GOLGA8G: variants seen among roughly 807,000 people sequenced by gnomAD.
GOLGA8G encodes the protein golgin A8 family member G, also known as golgin subfamily A member 8G.
A neutral mutation model predicts 12.8 loss-of-function variants in GOLGA8G; 1 was observed. The observed-to-expected ratio is 0.08, with a 90% CI of 0.03 to 0.37. The LOEUF (loss-of-function observed/expected upper bound fraction) is 0.37, where lower values mean the gene tolerates loss of function less well. GOLGA8G is among the 10% of genes least tolerant of loss of function. The pLI is 0.99. For missense variants in GOLGA8G, 12 were observed against 97.4 expected (o/e 0.12, Z 3.69); for synonymous variants, 9 against 36.7 (o/e 0.25, Z 2.73).
rs1299572819 is a variant in GOLGA8G, at chr15:28,521,594, A to T, written c.*979T>A. On this transcript the variant is annotated 3_prime_UTR_variant, in exon 19 of 19. Transcript: ENST00000525590. ...GATCTTTACTAAATACATTAAGAAG[A>T]ATGCCAACCAGTGCCCTTTTGTGTA... is the stretch of plus-strand genomic sequence containing the variant. 6.7e-6 allele frequency: 1 copy of T among 149,988 alleles called. No individual in the cohort carries two copies. The highest frequency in any genetic ancestry group is 2.5e-5 in the African/African-American group (1 of 39,906). 9.3% of individuals were successfully genotyped at this position (149,988 alleles called of 1,614,324 possible).
At chr15:28,524,301 GC>G in intron 14 of GOLGA8G, 170 bp downstream of exon 14, 1 of 65,976 alleles carries the variant, frequency 1.5e-5, no homozygotes, top group Non-Finnish European at 2.9e-5. Flanking sequence ...CAACTTGGTG[GC>G]CCCCCGCTCA....
At chr15:28,527,810 G>A (rs2078616161) in intron 8 of GOLGA8G, among the ~76,000 whole-genome samples, 1 of 139,146 alleles carries the variant, frequency 7.2e-6, no homozygotes, top group Admixed American at 6.7e-5. Flanking sequence ...CAACTACCAT[G>A]GGAGACAGTT....
Position 28,519,707 on chromosome 15 carries a change from TTTACATTCCGC to T in GOLGA8G, c.*2855_*2865del, listed in dbSNP as rs1206721352. On this transcript the variant is annotated 3_prime_UTR_variant, in exon 19 of 19. Coordinates refer to ENST00000525590, the MANE Select transcript of GOLGA8G (RefSeq NM_001350919.3). ...GGCAAAAGTCTTTCAGTATTTCCGT[TTTACATTCCGC>T]TTACAAGAATTCATAAATTGGTAAA... 2 of 73,486 alleles carry T rather than the reference TTTACATTCCGC, an allele frequency of 2.7e-5. No homozygotes were observed. The highest frequency in any genetic ancestry group is 5.0e-5 in the Non-Finnish European group (2 of 40,244). The allele number at this position is 73,486 out of a possible 1,614,324, so 4.6% of individuals were successfully genotyped here.
Position 28,524,231 on chromosome 15 carries a change from T to A in GOLGA8G, c.1316-197A>T. The A allele has an allele frequency of 2.5e-5, 3 of 117,748 alleles. 1 individual carries two copies. Among genetic ancestry groups the A allele is most frequent in the South Asian group, 1.5e-4 (3 of 19,600 alleles). 7.3% of individuals were successfully genotyped at this position (117,748 alleles called of 1,614,324 possible). A position where few individuals can be genotyped will look rare whatever the true frequency, so the allele number is the denominator to read the frequency against. ...TGCCCAGGCACATTCCCACTACTGG[T>A]CGGTGCGGGAGTTCTGACCTGCTCC... On this transcript the variant is annotated intron_variant, in intron 14 of 18. Transcript: ENST00000525590.
chr15:28,527,462 A>ACGTG lies in GOLGA8G; in HGVS notation c.650_653dup (p.Met219ThrfsTer28). 1 of 737,066 alleles carries ACGTG rather than the reference A, an allele frequency of 1.4e-6. No individual in the cohort carries two copies. The highest frequency in any genetic ancestry group is 2.4e-6 in the Non-Finnish European group (1 of 415,408). The allele number at this position is 737,066 out of a possible 1,614,324, so 45.7% of individuals were successfully genotyped here. The stretch of plus-strand genomic sequence containing the variant: ...TGGACTGCTCTAACTTCCACTCCAT[A>ACGTG]CGTGCTTTACTGCGGCTGGAGAACT... On this transcript the variant is annotated frameshift_variant, in exon 9 of 19. Coordinates refer to ENST00000525590, the MANE Select transcript of GOLGA8G (RefSeq NM_001350919.3). LOFTEE classifies it high-confidence loss of function.
chr15:28,532,760 C>A, intron 1 of GOLGA8G, 66 bp downstream of exon 1: 1 of 334,652 alleles, frequency 3.0e-6, no homozygotes. Flanking sequence ...TGGACTCTGG[C>A]AGCAGTCTTG....
chr15:28,526,494 C>G lies in GOLGA8G; in HGVS notation c.931G>C (p.Glu311Gln). 2.0e-6 allele frequency: 1 copy of G among 496,624 alleles called. No individual in the cohort carries two copies. Among genetic ancestry groups the G allele is most frequent in the Non-Finnish European group, 3.1e-6 (1 of 327,502 alleles). The allele number at this position is 496,624 out of a possible 1,614,324, so 30.8% of individuals were successfully genotyped here. The change falls in exon 12 of 19, where the codon GAG becomes CAG. Residue 311 changes from glutamate to glutamine, a missense_variant. Glu to Gln is a conservative substitution (Grantham distance 29, BLOSUM62 2). Around this residue, in one of 2 missense-constraint regions of GOLGA8G, gnomAD observed 12 missense variants for 47.1 expected, o/e 0.25. Transcript: ENST00000525590. ...ACCTCAGAGGGCACTGCTGGGGGCT[C>G]CGGGGGCAGAGGTTCAGCTGAGAAA... Reference protein sequence around the residue: ...KHQMAEPLPPEPPAVPSEVEL... With the variant: ...KHQMAEPLPPQPPAVPSEVEL...
rs1472329722 is a variant in GOLGA8G, at chr15:28,524,042, TG to T, written c.1316-9del. ...GATGTCCTCCTCCATCTCCTGGGGG[TG>T]GGGGTGGTGGCCAGAGGGGTCCTCA... is the stretch of plus-strand genomic sequence containing the variant. On this transcript the variant is annotated splice_polypyrimidine_tract_variant and intron_variant, in intron 14 of 18. Transcript: ENST00000525590. 2 of 339,126 alleles carry T rather than the reference TG, an allele frequency of 5.9e-6. No individual in the cohort carries two copies. The highest frequency in any genetic ancestry group is 5.4e-6 in the Non-Finnish European group (1 of 183,634). 21.0% of individuals were successfully genotyped at this position (339,126 alleles called of 1,614,324 possible).
Position 28,521,324 on chromosome 15 carries a change from G to GT in GOLGA8G, c.*1248dup, listed in dbSNP as rs2078528995. 7.4e-6 allele frequency: 1 copy of GT among 134,670 alleles called. No homozygotes were observed. The allele number at this position is 134,670 out of a possible 1,614,324, so 8.3% of individuals were successfully genotyped here. A position where few individuals can be genotyped will look rare whatever the true frequency, so the allele number is the denominator to read the frequency against. ...CTCACATATATTAGTTTATAACAAT[G>GT]TTTATTATTATTTCAAAGTGTTTTC... On this transcript the variant is annotated 3_prime_UTR_variant, in exon 19 of 19. Transcript: ENST00000525590.
chr15:28,526,653 C>T (rs1277541853), intron 11 of GOLGA8G, 142 bp from the exon 12 acceptor site: 9 of 343,352 alleles, frequency 2.6e-5, no homozygotes, highest in Non-Finnish European at 4.1e-5. Context: ...ATTCCTCGCA[C>T]CCAGATGGTA....
intron 10 of GOLGA8G, 26 bp downstream of exon 10, chr15:28,527,158 TG>T: frequency 9.9e-6 from 2 of 202,594 alleles, no homozygotes. Flanking sequence ...CTATCTAATG[TG>T]GGGGGGCTGA....
At position 28,526,558 on chromosome 15, in the gene GOLGA8G, A is replaced by AGAAAAG. The variant is rs1555484426; in HGVS notation, c.914-48_914-47insCTTTTC. ...AAGAGCCTCTGGATTCCAAAAAAAAAAAAAGAAAAGAAAAGAAAAGAAAAA... is the reference window on the plus strand; with the variant it reads ...AAGAGCCTCTGGATTCCAAAAAAAAAGAAAAGAAAAGAAAAGAAAAGAAAAGAAAAA... On this transcript the variant is annotated intron_variant, in intron 11 of 18. Coordinates refer to ENST00000525590, the MANE Select transcript of GOLGA8G (RefSeq NM_001350919.3). The AGAAAAG allele has an allele frequency of 1.6e-5, 11 of 692,978 alleles. No homozygotes were observed. In the African/African-American group the frequency reaches 3.0e-4, roughly 19 times the overall value. The allele number at this position is 692,978 out of a possible 1,614,324, so 42.9% of individuals were successfully genotyped here.
rs2078587512 is a variant in GOLGA8G at position 28,526,334 on chromosome 15, T to TCTCCTCCTGCTCTG, written c.1090_1091insCAGAGCAGGAGGAG (p.Gln364ProfsTer32). 1 of 488,652 alleles carries TCTCCTCCTGCTCTG rather than the reference T, an allele frequency of 2.0e-6. No individual in the cohort carries two copies. Among genetic ancestry groups the TCTCCTCCTGCTCTG allele is most frequent in the Admixed American group, 3.7e-5 (1 of 27,064 alleles). 30.3% of individuals were successfully genotyped at this position (488,652 alleles called of 1,614,324 possible). ...CTCTGGAAGCCTCTCCTGCTGCTCC[T>TCTCCTCCTGCTCTG]GAAGCCTCTCCTCCTGCTCCCGAAG... On this transcript the variant is annotated frameshift_variant, in exon 12 of 19. Coordinates refer to ENST00000525590, the MANE Select transcript of GOLGA8G (RefSeq NM_001350919.3). LOFTEE classifies it high-confidence loss of function.
At chr15:28,531,502 A>G (rs2078658880) in intron 1 of GOLGA8G, among the ~76,000 whole-genome samples, 1 of 119,014 alleles carries the variant, frequency 8.4e-6, no homozygotes, top group Non-Finnish European at 1.9e-5. Flanking sequence ...GTTAGTGTGA[A>G]GAAGTGCACC....
intron 1 of GOLGA8G, among the ~76,000 whole-genome samples, chr15:28,531,507 T>C (rs1351925227): frequency 8.4e-6 from 1 of 118,938 alleles, no homozygotes; most frequent in East Asian, 2.0e-4. Context: ...TGTGAAGAAG[T>C]GCACCAGTAC....
rs1370105323 is a variant in GOLGA8G, at chr15:28,520,169, T to TA, written c.*2403dup. 6.6e-5 allele frequency: 10 copies of TA among 151,602 alleles called. No homozygotes were observed. In the East Asian group the frequency reaches 2.0e-3, roughly 30 times the overall value. 9.4% of individuals were successfully genotyped at this position (151,602 alleles called of 1,614,324 possible). On this transcript the variant is annotated 3_prime_UTR_variant, in exon 19 of 19. Coordinates refer to ENST00000525590, the MANE Select transcript of GOLGA8G (RefSeq NM_001350919.3). Reference sequence around the variant, plus strand: ...TTAGAATTCTGTTTCTGATGAACTCTAACCTTCCAATGTTGCCCTCTAAGC... The same window carrying TA: ...TTAGAATTCTGTTTCTGATGAACTCTAAACCTTCCAATGTTGCCCTCTAAGC...
At chr15:28,525,674 T>TG (rs1196366060) in intron 13 of GOLGA8G, among the ~76,000 whole-genome samples, 132 of 108,406 alleles carry the variant, frequency 1.2e-3, no homozygotes, top group African/African-American at 4.1e-3. Context: ...CCCCTGTGAT[T>TG]GGGGGGGCTC....
intron 8 of GOLGA8G, among the ~76,000 whole-genome samples, chr15:28,527,778 T>G (rs1430745657): frequency 7.2e-6 from 1 of 138,768 alleles, no homozygotes; most frequent in Admixed American, 6.7e-5. Context: ...GATACCATGC[T>G]AGCAATCCCA....
chr15:28,526,490 G>T lies in GOLGA8G; in HGVS notation c.935C>A (p.Pro312His). The T allele has an allele frequency of 2.0e-6, 1 of 496,670 alleles. No individual in the cohort carries two copies. The highest frequency in any genetic ancestry group is 3.1e-6 in the Non-Finnish European group (1 of 326,176). 30.8% of individuals were successfully genotyped at this position (496,670 alleles called of 1,614,324 possible). A position where few individuals can be genotyped will look rare whatever the true frequency, so the allele number is the denominator to read the frequency against. The change falls in exon 12 of 19, where the codon CCC (proline) becomes CAC (histidine). Residue 312 changes from proline to histidine, a missense_variant. Coordinates refer to ENST00000525590, the MANE Select transcript of GOLGA8G (RefSeq NM_001350919.3). ...CTCCACCTCAGAGGGCACTGCTGGGGGCTCCGGGGGCAGAGGTTCAGCTGA... is the reference window on the plus strand; with the variant it reads ...CTCCACCTCAGAGGGCACTGCTGGGTGCTCCGGGGGCAGAGGTTCAGCTGA... ...HQMAEPLPPEPPAVPSEVELQ... is the reference protein window; with the variant it reads ...HQMAEPLPPEHPAVPSEVELQ...
Sources: gnomAD v4.1 joint callset for allele counts (sites outside exome capture counted in the v4.1 genomes callset) on GRCh38, gnomAD v4.1.1 for gene constraint, gnomAD v4.1.1 regional missense constraint, MANE v1.5 for transcripts, NCBI Gene and HGNC (gene_info 2026-07-23, HGNC 2026-07-21) for gene names.